TCAIM: variants seen among roughly 807,000 people sequenced by gnomAD.
TCAIM encodes the protein T-cell activation inhibitor, mitochondrial.
TCAIM carries 36 observed loss-of-function variants against 58.6 expected under a neutral mutation model. The observed-to-expected ratio is 0.61, with a 90% CI of 0.47 to 0.81. TCAIM has a LOEUF of 0.81. Among genes scored for constraint, TCAIM ranks in the 30% least tolerant of loss-of-function variants. The probability of loss-of-function intolerance (pLI) is 0.00; values close to 1 mark genes in which losing one functional copy is unlikely to be tolerated. For synonymous variants in TCAIM, 172 were observed against 193.6 expected (o/e 0.89, Z 0.93); for missense variants, 466 against 579.6 (o/e 0.80, Z 2.01).
At position 44,393,578 on chromosome 3, in the gene TCAIM, C is replaced by T. The variant is rs951129580; in HGVS notation, c.695+601C>T. On this transcript the variant is annotated intron_variant, in intron 6 of 10. Transcript: ENST00000342649. The stretch of plus-strand genomic sequence containing the variant: ...ACATAATAAGTTTGTAAGAAAAATA[C>T]CCTCTTCCATATACACATAATATAT... Among the ~76,000 whole-genome samples, 6 of 152,112 alleles carry T rather than the reference C, an allele frequency of 3.9e-5. No homozygotes were observed. In the East Asian group the frequency reaches 1.2e-3, roughly 29 times the overall value.
intron 1 of TCAIM, among the ~76,000 whole-genome samples, chr3:44,348,277 A>C (rs1282956280): frequency 6.6e-6 from 1 of 152,258 alleles, no homozygotes; most frequent in Non-Finnish European, 1.5e-5. Flanking sequence ...AGGCAGCATC[A>C]GTCTTCAGCC....
At chr3:44,387,221 C>G (rs1354403824) in intron 5 of TCAIM, among the ~76,000 whole-genome samples, 1 of 152,188 alleles carries the variant, frequency 6.6e-6, no homozygotes, top group Non-Finnish European at 1.5e-5. Context: ...GTGGGGACAA[C>G]CTGCTGGCAG....
intron 5 of TCAIM, among the ~76,000 whole-genome samples, chr3:44,374,763 CA>C (rs962051192): frequency 6.6e-6 from 1 of 150,674 alleles, no homozygotes; most frequent in Non-Finnish European, 1.5e-5. Context: ...CCTGTCTCTC[CA>C]AAAAAAATAT....
At position 44,392,900 on chromosome 3, in the gene TCAIM, G is replaced by A. The variant is rs548124473; in HGVS notation, c.618G>A (p.Lys206=). The A allele has an allele frequency of 1.9e-6, 3 of 1,613,452 alleles. No individual in the cohort carries two copies. Among genetic ancestry groups the A allele is most frequent in the South Asian group, 1.1e-5 (1 of 91,050 alleles). ...NNGKSAVKKL[K]NSLPLRKELD... ...GGAAAAGTGCTGTTAAAAAGCTAAA[G>A]AACAGTTTGCCACTTAGAAAAGAAC... Residue 206 remains lysine (K), a synonymous_variant, in exon 6 of 11, where the codon AAG becomes AAA. Coordinates refer to ENST00000342649, the MANE Select transcript of TCAIM (RefSeq NM_173826.4).
chr3:44,345,070 A>G (rs1237593409), intron 1 of TCAIM, among the ~76,000 whole-genome samples: 1 of 152,058 alleles, frequency 6.6e-6, no homozygotes, highest in African/African-American at 2.4e-5. Flanking sequence ...ATAGTGGTAA[A>G]GTGTTGGGGC....
intron 6 of TCAIM, 42 bp from the exon 7 acceptor site, chr3:44,396,357 AG>A (rs762768416): frequency 3.8e-6 from 6 of 1,566,278 alleles, no homozygotes; most frequent in Non-Finnish European, 5.2e-6. Context: ...CTCCGTCTTC[AG>A]GGTGCCACTT....
At chr3:44,375,417 AAG>A (rs377718061) in intron 5 of TCAIM, among the ~76,000 whole-genome samples, 45 of 152,280 alleles carry the variant, frequency 3.0e-4, no homozygotes, top group African/African-American at 9.4e-4. Flanking sequence ...GGAGGAAAAA[AAG>A]AGAGGAGGAG....
intron 1 of TCAIM, among the ~76,000 whole-genome samples, chr3:44,352,887 G>A (rs1310801399): frequency 6.7e-6 from 1 of 149,674 alleles, no homozygotes; most frequent in Non-Finnish European, 1.5e-5. Context: ...TCATATGCTT[G>A]GAATCATACA....
chr3:44,378,276 A>G (rs1197584855), intron 5 of TCAIM, among the ~76,000 whole-genome samples: 20 of 151,740 alleles, frequency 1.3e-4, no homozygotes, highest in Non-Finnish European at 4.4e-5. Context: ...AGCTCTCAGG[A>G]GGCTGAGGCA....
chr3:44,391,850 C>A (rs1286044216), intron 5 of TCAIM, among the ~76,000 whole-genome samples: 1 of 152,204 alleles, frequency 6.6e-6, no homozygotes, highest in African/African-American at 2.4e-5. Context: ...ACAAAGTAAT[C>A]TTTTCCTATT....
At chr3:44,406,952 A>AC (rs1702110289) in intron 10 of TCAIM, among the ~76,000 whole-genome samples, 1 of 152,200 alleles carries the variant, frequency 6.6e-6, no homozygotes, top group Non-Finnish European at 1.5e-5. Context: ...GAGGGAACAG[A>AC]CAGGGGGCTG....
intron 5 of TCAIM, among the ~76,000 whole-genome samples, chr3:44,383,767 G>A (rs1187668824): frequency 3.1e-5 from 4 of 128,332 alleles, no homozygotes; most frequent in Admixed American, 9.7e-5. Context: ...GAGCTTAAGA[G>A]TTCAAGATCA....
intron 5 of TCAIM, among the ~76,000 whole-genome samples, chr3:44,383,404 G>C (rs185507414): frequency 2.2e-4 from 33 of 152,264 alleles, no homozygotes; most frequent in Middle Eastern, 3.4e-3. Context: ...TACAACACAT[G>C]AACCTTGAGG....
intron 5 of TCAIM, among the ~76,000 whole-genome samples, chr3:44,371,818 C>T (rs1162790858): frequency 6.6e-6 from 1 of 152,078 alleles, no homozygotes; most frequent in Non-Finnish European, 1.5e-5. Flanking sequence ...GAGCTTATAT[C>T]ATAAAAGCTG....
chr3:44,376,103 G>C (rs756597307), intron 5 of TCAIM, among the ~76,000 whole-genome samples: 33 of 152,222 alleles, frequency 2.2e-4, no homozygotes, highest in Admixed American at 1.4e-3. Context: ...TCCATTTTAT[G>C]TAAAATACCT....
intron 4 of TCAIM, among the ~76,000 whole-genome samples, chr3:44,366,856 T>C (rs1425527661): frequency 6.6e-6 from 1 of 152,160 alleles, no homozygotes. Flanking sequence ...CACCTTGGCC[T>C]CCCAAAGTGC....
chr3:44,393,555 A>G (rs1195443282), intron 6 of TCAIM, among the ~76,000 whole-genome samples: 5 of 152,224 alleles, frequency 3.3e-5, no homozygotes, highest in Non-Finnish European at 7.3e-5. Context: ...ACTTTTTTAC[A>G]TAATAAGTTT....
intron 4 of TCAIM, among the ~76,000 whole-genome samples, chr3:44,361,739 T>C (rs1257242946): frequency 6.6e-6 from 1 of 152,216 alleles, no homozygotes; most frequent in Admixed American, 6.5e-5. Flanking sequence ...AACTAAAGTG[T>C]TCCTATTTGT....
In TCAIM at chr3:44,357,781, T is replaced by C; in HGVS notation, c.70T>C (p.Ser24Pro). The change falls in exon 3 of 11, where the codon TCA becomes CCA. Residue 24 changes from serine to proline, a missense_variant. Coordinates refer to ENST00000342649, the MANE Select transcript of TCAIM (RefSeq NM_173826.4). ...GATATTTCCACACTGGTTTCCCTTT[T>C]CAAGAGCTTTATCGGGAGCTGAAGC... Reference protein sequence around the residue: ...EKIFPHWFPFSRALSGAEAVN... With the variant: ...EKIFPHWFPFPRALSGAEAVN... The C allele has an allele frequency of 6.2e-7, 1 of 1,614,168 alleles. No individual in the cohort carries two copies. The highest frequency in any genetic ancestry group is 8.5e-7 in the Non-Finnish European group (1 of 1,180,010).
Sources: gnomAD v4.1 joint callset for allele counts (sites outside exome capture counted in the v4.1 genomes callset) on GRCh38, gnomAD v4.1.1 for gene constraint, MANE v1.5 for transcripts, NCBI Gene and HGNC (gene_info 2026-07-23, HGNC 2026-07-21) for gene names.